The following ASH1L variants were observed in gnomAD, a reference collection of about 807,000 sequenced individuals.
ASH1L encodes the protein ASH1 like histone lysine methyltransferase, also known as histone-lysine N-methyltransferase ASH1L.
ASH1L carries 23 observed loss-of-function variants against 269.0 expected under a neutral mutation model. The observed-to-expected ratio is 0.09, with a 90% CI of 0.06 to 0.12. The LOEUF (loss-of-function observed/expected upper bound fraction) is 0.12. Among genes scored for constraint, ASH1L ranks in the 10% least tolerant of loss-of-function variants. ASH1L has a pLI of 1.00. For synonymous variants in ASH1L, 1,187 were observed against 1,253.5 expected (o/e 0.95, Z 1.12); for missense variants, 2,912 against 3,567.8 (o/e 0.82, Z 4.68).
intron 6 of ASH1L, among the ~76,000 whole-genome samples, chr1:155,404,448 A>T (rs952052386): frequency 6.6e-6 from 1 of 152,160 alleles, no homozygotes; most frequent in Non-Finnish European, 1.5e-5. Flanking sequence ...ACAAGGCAGG[A>T]GGATCACTTG....
At chr1:155,415,623 G>A (rs1191487284) in intron 6 of ASH1L, 121 bp downstream of exon 6, 2 of 1,174,518 alleles carry the variant, frequency 1.7e-6, no homozygotes, top group Non-Finnish European at 2.4e-6. Flanking sequence ...ATACATGAGT[G>A]CAAAAACACA....
rs1558010093 is a variant in ASH1L at position 155,339,388 on chromosome 1, GAGGTA to G, written c.8461-25_8461-21del. 2.5e-6 allele frequency: 4 copies of G among 1,613,162 alleles called. No homozygotes were observed. In the Admixed American group the frequency reaches 6.7e-5, roughly 27 times the overall value. On this transcript the variant is annotated intron_variant, in intron 25 of 27. Coordinates refer to ENST00000392403, the MANE Select transcript of ASH1L (RefSeq NM_018489.3). ...ATGAGGCTGCAGAGAAGAAAAGGAA[GAGGTA>G]AGCATATTGTAGAAGCTGGGAGAGC...
At chr1:155,433,880 C>T (rs755308252) in intron 5 of ASH1L, 10 of 1,602,666 alleles carry the variant, frequency 6.2e-6, no homozygotes, top group African/African-American at 4.0e-5. Context: ...AAAGAGAAAG[C>T]GAACCAGTAT....
rs557984487 is a variant in ASH1L at position 155,408,526 on chromosome 1, C to A, written c.6008+7218G>T. On this transcript the variant is annotated intron_variant, in intron 6 of 27. Coordinates refer to ENST00000392403, the MANE Select transcript of ASH1L (RefSeq NM_018489.3). ...GATACAGGCCAAAGAAAGAACAAGT[C>A]TGATAAACAACAGCAGAAAAGTAAA... Among the ~76,000 whole-genome samples, 12 of 152,208 alleles carry A rather than the reference C, an allele frequency of 7.9e-5. No homozygotes were observed. The South Asian group carries it at 8.3e-4, about 11-fold the overall frequency.
At chr1:155,369,680 A>G (rs1374111865) in intron 12 of ASH1L, among the ~76,000 whole-genome samples, 4 of 152,154 alleles carry the variant, frequency 2.6e-5, no homozygotes, top group African/African-American at 9.7e-5. Context: ...GTATTTAATA[A>G]GCATGCAGTA....
intron 22 of ASH1L, 107 bp downstream of exon 22, chr1:155,344,076 G>T: frequency 1.1e-6 from 1 of 942,140 alleles, no homozygotes; most frequent in Non-Finnish European, 1.6e-6. Context: ...ATATTCTATT[G>T]CTATTCGAGG....
chr1:155,433,057 C>A, intron 5 of ASH1L: 3 of 1,082,230 alleles, frequency 2.8e-6, no homozygotes, highest in Non-Finnish European at 3.9e-6. Context: ...TCCTCCTTGT[C>A]AGTGTTTTAA....
upstream of ASH1L, chr1:155,562,820 A>ACCTCCTCTTCTCTCCTCCC: frequency 2.2e-6 from 1 of 444,888 alleles, no homozygotes; most frequent in Non-Finnish European, 4.2e-6. Context: ...CTCCTCCTCC[A>ACCTCCTCTTCTCTCCTCCC]CCTCCTCTTC....
chr1:155,347,035 G>A (rs1449538479), intron 20 of ASH1L, among the ~76,000 whole-genome samples: 1 of 152,210 alleles, frequency 6.6e-6, no homozygotes, highest in African/African-American at 2.4e-5. Flanking sequence ...AAAAGGCAAA[G>A]CACTATATGA....
rs1236383400 is a variant in ASH1L, at chr1:155,478,005, C to G, written c.4865G>C (p.Ser1622Thr). ...GSCRVSNPNS[S>T]GRKKLTDSPG... ...GCTGTCAGTTAATTTCTTCCGGCCACTGGAGTTAGGGTTTGAAACTCTGCA... is the reference window on the plus strand; with the variant it reads ...GCTGTCAGTTAATTTCTTCCGGCCAGTGGAGTTAGGGTTTGAAACTCTGCA... Residue 1622 changes from serine to threonine, a missense_variant, in exon 3 of 28, where the codon AGT becomes ACT. Ser to Thr is a moderately conservative substitution (Grantham distance 58, BLOSUM62 1). Around this residue, in one of 13 missense-constraint regions of ASH1L, gnomAD observed 789 missense variants for 897.6 expected, o/e 0.88. Transcript: ENST00000392403. The surrounding 1 kb of genome is among the most constrained non-coding windows in gnomAD (Gnocchi z 4.6). 6.2e-7 allele frequency: 1 copy of G among 1,614,212 alleles called. No homozygotes were observed. The highest frequency in any genetic ancestry group is 8.5e-7 in the Non-Finnish European group (1 of 1,180,038).
chr1:155,518,840 TGGAG>T (rs376622557), intron 2 of ASH1L, among the ~76,000 whole-genome samples: 32 of 75,310 alleles, frequency 4.2e-4, no homozygotes, highest in African/African-American at 7.8e-4. Context: ...AAGGAAGGAA[TGGAG>T]GGAGGGAGGG....
intron 2 of ASH1L, among the ~76,000 whole-genome samples, chr1:155,511,348 A>G (rs1454138627): frequency 6.6e-6 from 1 of 152,204 alleles, no homozygotes; most frequent in Non-Finnish European, 1.5e-5. Context: ...CACAGGGATC[A>G]CTGCAGTTTG....
intron 2 of ASH1L, among the ~76,000 whole-genome samples, chr1:155,485,350 G>C (rs772313808): frequency 4.6e-5 from 7 of 150,982 alleles, no homozygotes; most frequent in African/African-American, 7.3e-5. Context: ...ATGGGGTCTT[G>C]CTCTGTCACC....
chr1:155,536,034 A>G (rs1670034788), intron 1 of ASH1L, among the ~76,000 whole-genome samples: 1 of 152,072 alleles, frequency 6.6e-6, no homozygotes, highest in African/African-American at 2.4e-5. Context: ...TTTATAGCAC[A>G]TTATTCATTT....
intron 25 of ASH1L, among the ~76,000 whole-genome samples, chr1:155,340,803 T>G (rs998425269): frequency 1.3e-5 from 2 of 150,148 alleles, no homozygotes; most frequent in Admixed American, 6.7e-5. Context: ...TGAGACAGGG[T>G]CTCTGTCACT....
rs530031032 is a variant in ASH1L, at chr1:155,449,740, C to T, written c.5086+10057G>A. 3.3e-5 allele frequency among the ~76,000 whole-genome samples: 5 copies of T among 152,132 alleles called. No homozygotes were observed. In the East Asian group the frequency reaches 7.7e-4, roughly 24 times the overall value. On this transcript the variant is annotated intron_variant, in intron 4 of 27. Coordinates refer to ENST00000392403, the MANE Select transcript of ASH1L (RefSeq NM_018489.3). Reference sequence around the variant, plus strand: ...TTCACCATGTTAGCCAGGATGATCTCGATCTCCTGACCTCATGATCTGCCC... The same window carrying T: ...TTCACCATGTTAGCCAGGATGATCTTGATCTCCTGACCTCATGATCTGCCC...
In ASH1L at chr1:155,477,869, C is replaced by A. The variant is rs1319630711; in HGVS notation, c.4984+17G>T. ...TATTTCTTTAACAAATAACAGGTAACAAAATAACCCTCTTACCTGCCAAAG... is the reference window on the plus strand; with the variant it reads ...TATTTCTTTAACAAATAACAGGTAAAAAAATAACCCTCTTACCTGCCAAAG... On this transcript the variant is annotated intron_variant, in intron 3 of 27. Transcript: ENST00000392403. 4 of 1,557,618 alleles carry A rather than the reference C, an allele frequency of 2.6e-6. No homozygotes were observed. The highest frequency in any genetic ancestry group is 3.5e-6 in the Non-Finnish European group (4 of 1,150,310).
At chr1:155,384,479 TG>T (rs571408184) in intron 7 of ASH1L, among the ~76,000 whole-genome samples, 519 of 28,470 alleles carry the variant, frequency 0.018, 3 homozygotes, top group East Asian at 0.036. Context: ...AAAATTGGTG[TG>T]GTTTTTTTTT....
intron 1 of ASH1L, 85 bp downstream of exon 1, chr1:155,562,068 G>A: frequency 2.2e-6 from 2 of 923,090 alleles, no homozygotes; most frequent in South Asian, 1.6e-5. Flanking sequence ...AGGTCCGGGA[G>A]ATGACAGTGG....
Sources: allele counts gnomAD v4.1 joint callset (sites outside exome capture counted in the v4.1 genomes callset), GRCh38; gene constraint gnomAD v4.1.1; regional missense constraint gnomAD v4.1.1; non-coding constraint Gnocchi (gnomAD v3.1); transcripts MANE v1.5; gene names NCBI Gene and HGNC (gene_info 2026-07-23, HGNC 2026-07-21).